The following STK24 variants were observed in gnomAD, a reference collection of about 807,000 sequenced individuals.
STK24 encodes the protein serine/threonine kinase 24.
Under a neutral mutation model 55.6 loss-of-function variants are expected in STK24, and 21 were observed. That is an observed-to-expected ratio of 0.38 (90% confidence interval 0.27 to 0.54). The LOEUF is 0.54. Among genes scored for constraint, STK24 ranks in the 20% least tolerant of loss-of-function variants. The pLI is 0.79. For synonymous variants in STK24, 200 were observed against 215.2 expected, an observed-to-expected ratio of 0.93 and a Z score of 0.62; for missense variants, 383 against 538.4, an observed-to-expected ratio of 0.71 and a Z score of 2.86.
At chr13:98,567,183 G>C (rs1897602097) in intron 1 of STK24, among the ~76,000 whole-genome samples, 1 of 152,160 alleles carries the variant, frequency 6.6e-6, no homozygotes, top group South Asian at 2.1e-4. Flanking sequence ...TGGATTTATG[G>C]CCAGCGCTGT....
rs377312101 is a variant in STK24 at position 98,539,543 on chromosome 13, T to C, written c.43-20070A>G. On this transcript the variant is annotated intron_variant, in intron 1 of 10. Transcript: ENST00000539966. Reference sequence around the variant, plus strand: ...GCTGGCCCAGTGTTCTTCTCTCGACTTGATCTCTGCAAAGCTCCATTTAAA... The same window carrying C: ...GCTGGCCCAGTGTTCTTCTCTCGACCTGATCTCTGCAAAGCTCCATTTAAA... Among the ~76,000 whole-genome samples the C allele has an allele frequency of 3.3e-3, 492 of 149,188 alleles. 1 individual carries two copies. The highest frequency in any genetic ancestry group is 5.3e-3 in the Non-Finnish European group (360 of 67,482).
chr13:98,508,237 A>C (rs1184134971), intron 2 of STK24, among the ~76,000 whole-genome samples: 1 of 152,226 alleles, frequency 6.6e-6, no homozygotes, highest in African/African-American at 2.4e-5. Context: ...CAAAAGCAGA[A>C]ATCATATAAG....
intron 1 of STK24, among the ~76,000 whole-genome samples, chr13:98,523,006 G>A (rs1896315621): frequency 6.6e-6 from 1 of 152,274 alleles, no homozygotes; most frequent in East Asian, 1.9e-4. Context: ...CTCAGACCTG[G>A]GTGAGCCTCA....
intron 5 of STK24, among the ~76,000 whole-genome samples, chr13:98,473,102 C>T (rs1387943365): frequency 4.6e-5 from 7 of 150,968 alleles, no homozygotes; most frequent in Admixed American, 2.6e-4. Flanking sequence ...GTCAGTCTCC[C>T]CCATATGAAT....
rs998634896 is a variant in STK24, at chr13:98,576,773, G to C, written c.14C>G (p.Pro5Arg). ...CATGCCGGGCAGGCCCGACTGCACC[G>C]GGGAGTGAGCCATGGCGCTCAGGAC... MAHS[P>R]VQSGLPGMQN... Residue 5 changes from proline (P) to arginine (R), a missense_variant, in exon 1 of 11, where the codon CCG (proline) becomes CGG (arginine). Transcript: ENST00000539966. 1.9e-5 allele frequency: 27 copies of C among 1,442,680 alleles called. No homozygotes were observed. The highest frequency in any genetic ancestry group is 2.2e-5 in the Non-Finnish European group (24 of 1,099,698). 89.4% of individuals were successfully genotyped at this position (1,442,680 alleles called of 1,614,324 possible).
chr13:98,461,754 T>G lies in STK24; in HGVS notation c.1053+20A>C, dbSNP rs1365161523. 1 of 1,613,228 alleles carries G rather than the reference T, an allele frequency of 6.2e-7. No homozygotes were observed. The highest frequency in any genetic ancestry group is 1.7e-5 in the Admixed American group (1 of 60,002). ...TGCAGACTGAGGTCAGCGTGGCCAT[T>G]CTGGAGTGAGCAGACGTACCTTATT... On this transcript the variant is annotated intron_variant, in intron 8 of 10. Coordinates refer to ENST00000539966, the MANE Select transcript of STK24 (RefSeq NM_001032296.4).
chr13:98,571,194 C>T (rs1291994001), intron 1 of STK24, among the ~76,000 whole-genome samples: 1 of 152,208 alleles, frequency 6.6e-6, no homozygotes, highest in Non-Finnish European at 1.5e-5. Context: ...CAGTGACCAT[C>T]GACAGGCTCC....
At chr13:98,524,545 A>G (rs1680317472) in intron 1 of STK24, among the ~76,000 whole-genome samples, 2 of 152,204 alleles carry the variant, frequency 1.3e-5, no homozygotes, top group South Asian at 4.1e-4. Flanking sequence ...CCAGCTGGCC[A>G]CAGCCACACG....
Position 98,448,019 on chromosome 13 carries a change from A to ACTTCCAGCT in STK24, c.*5145_*5153dup, listed in dbSNP as rs1594554505. The ACTTCCAGCT allele has an allele frequency of 3.4e-6, 2 of 580,860 alleles. No homozygotes were observed. The highest frequency in any genetic ancestry group is 3.8e-5 in the African/African-American group (2 of 53,204). The allele number at this position is 580,860 out of a possible 1,614,324, so 36.0% of individuals were successfully genotyped here. A position where few individuals can be genotyped will look rare whatever the true frequency, so the allele number is the denominator to read the frequency against. ...GCGGGCAGTGTCACTGCAGCAAGGT[A>ACTTCCAGCT]CTTCCAGCTCCACACTGAGTGAGTG... On this transcript the variant is annotated 3_prime_UTR_variant, in exon 11 of 11. Coordinates refer to ENST00000539966, the MANE Select transcript of STK24 (RefSeq NM_001032296.4).
intron 1 of STK24, among the ~76,000 whole-genome samples, chr13:98,559,979 T>C (rs1897377752): frequency 6.6e-6 from 1 of 152,076 alleles, no homozygotes; most frequent in Non-Finnish European, 1.5e-5. Flanking sequence ...TGAACTCCCA[T>C]CTCTTAAAAA....
At chr13:98,514,059 C>T (rs1895973402) in intron 2 of STK24, among the ~76,000 whole-genome samples, 1 of 152,232 alleles carries the variant, frequency 6.6e-6, no homozygotes, top group Admixed American at 6.5e-5. Context: ...TTCTTCTCTG[C>T]AATGTGAAGT....
At chr13:98,488,146 TAA>T (rs1234857176) in intron 2 of STK24, among the ~76,000 whole-genome samples, 1 of 126,798 alleles carries the variant, frequency 7.9e-6, no homozygotes, top group Non-Finnish European at 1.7e-5. Context: ...GCTGGTGTCA[TAA>T]AAAGAGATGA....
At position 98,446,546 on chromosome 13, in the gene STK24, C is replaced by A; in HGVS notation, c.*6627G>T. On this transcript the variant is annotated 3_prime_UTR_variant, in exon 11 of 11. Coordinates refer to ENST00000539966, the MANE Select transcript of STK24 (RefSeq NM_001032296.4). ...ACTGGCTGCCATGGTCCCTTCCAGGCCCACGCCCGAGGAGGGAGCTGCCTG... is the reference window on the plus strand; with the variant it reads ...ACTGGCTGCCATGGTCCCTTCCAGGACCACGCCCGAGGAGGGAGCTGCCTG... 1 of 1,027,928 alleles carries A rather than the reference C, an allele frequency of 9.7e-7. No individual in the cohort carries two copies. The highest frequency in any genetic ancestry group is 1.5e-6 in the Non-Finnish European group (1 of 680,790). The allele number at this position is 1,027,928 out of a possible 1,614,324, so 63.7% of individuals were successfully genotyped here. A position where few individuals can be genotyped will look rare whatever the true frequency, so the allele number is the denominator to read the frequency against.
At chr13:98,457,590 C>T (rs756517050) in intron 9 of STK24, among the ~76,000 whole-genome samples, 3 of 151,842 alleles carry the variant, frequency 2.0e-5, no homozygotes, top group Non-Finnish European at 4.4e-5. Context: ...CTGCCTCAGC[C>T]TCCCGAGTAG....
intron 2 of STK24, among the ~76,000 whole-genome samples, chr13:98,507,105 T>A (rs1409479598): frequency 6.6e-6 from 1 of 152,248 alleles, no homozygotes; most frequent in African/African-American, 2.4e-5. Context: ...GCAGTGCCAC[T>A]GTGTCTGCTC....
At chr13:98,530,009 G>A (rs1400571713) in intron 1 of STK24, among the ~76,000 whole-genome samples, 1 of 152,226 alleles carries the variant, frequency 6.6e-6, no homozygotes, top group East Asian at 1.9e-4. Context: ...GAAGGAAGCC[G>A]ATGTTAGACA....
intron 2 of STK24, among the ~76,000 whole-genome samples, chr13:98,493,654 T>C (rs1462286889): frequency 6.6e-6 from 1 of 152,152 alleles, no homozygotes. Flanking sequence ...AATATTGTTC[T>C]GCTAGATGAC....
At chr13:98,475,869 A>G (rs1215157129) in intron 3 of STK24, among the ~76,000 whole-genome samples, 1 of 144,722 alleles carries the variant, frequency 6.9e-6, no homozygotes, top group African/African-American at 2.4e-5. Flanking sequence ...CACCCCTGGT[A>G]CCCAAAAACA....
chr13:98,468,720 G>T (rs1232614628), intron 5 of STK24, among the ~76,000 whole-genome samples: 6 of 152,226 alleles, frequency 3.9e-5, no homozygotes, highest in Non-Finnish European at 5.9e-5. Context: ...CTTCTCATTT[G>T]TAAGGGTACA....
Sources: allele counts gnomAD v4.1 joint callset (sites outside exome capture counted in the v4.1 genomes callset), GRCh38; gene constraint gnomAD v4.1.1; transcripts MANE v1.5; gene names NCBI Gene and HGNC (gene_info 2026-07-23, HGNC 2026-07-21).